POLR1B: variants seen among roughly 807,000 people sequenced by gnomAD.
The protein encoded by POLR1B is RNA polymerase I subunit B, also known as DNA-directed RNA polymerase I subunit RPA2.
Under a neutral mutation model 105.8 loss-of-function variants are expected in POLR1B, and 30 were observed. The ratio of observed to expected loss-of-function variants is 0.28; its 90% confidence interval spans 0.21 to 0.38. The LOEUF is 0.38. Ranked by LOEUF, POLR1B falls within the 10% of genes least tolerant of loss-of-function variation. The pLI is 1.00. For missense variants in POLR1B, 976 were observed against 1,435.8 expected, an observed-to-expected ratio of 0.68 and a Z score of 5.17; for synonymous variants, 485 against 505.1, an observed-to-expected ratio of 0.96 and a Z score of 0.53.
chr2:112,575,911 C>T lies in POLR1B; in HGVS notation c.*182C>T. 3.4e-6 allele frequency: 2 copies of T among 593,816 alleles called. No individual in the cohort carries two copies. The highest frequency in any genetic ancestry group is 3.4e-5 in the Admixed American group (1 of 29,796). The allele number at this position is 593,816 out of a possible 1,614,324, so 36.8% of individuals were successfully genotyped here. On this transcript the variant is annotated 3_prime_UTR_variant, in exon 15 of 15. Transcript: ENST00000263331. This position sits in a 1 kb window ranked among gnomAD's most constrained non-coding sequence, Gnocchi z 5.3. ...ATCTCTCTGGTAGATTAACTATTGA[C>T]AATGATTTTCTGTTATCTTTGTTCA...
At chr2:112,542,749 C>A in intron 1 of POLR1B, 78 bp downstream of exon 1, 10 of 1,538,552 alleles carry the variant, frequency 6.5e-6, no homozygotes, top group Non-Finnish European at 8.8e-6. Flanking sequence ...ACAGTATGAC[C>A]CCAGATGCAT....
intron 1 of POLR1B, among the ~76,000 whole-genome samples, chr2:112,544,114 T>G (rs1446340077): frequency 6.6e-6 from 1 of 151,586 alleles, no homozygotes; most frequent in Non-Finnish European, 1.5e-5. Flanking sequence ...AATTGAGAAA[T>G]TTTAGAAAAG....
chr2:112,544,423 C>T (rs537460910), intron 1 of POLR1B, among the ~76,000 whole-genome samples: 21 of 152,098 alleles, frequency 1.4e-4, no homozygotes, highest in African/African-American at 5.1e-4. Flanking sequence ...CAGAGTGAGA[C>T]TCTCCCAAAA....
At chr2:112,571,267 A>T (rs571037265) in intron 12 of POLR1B, among the ~76,000 whole-genome samples, 50 of 152,124 alleles carry the variant, frequency 3.3e-4, no homozygotes, top group African/African-American at 1.2e-3. Context: ...AAGTTTCACC[A>T]TTTCTTTGTA....
In POLR1B at chr2:112,547,096, C is replaced by G. The variant is rs1338559769; in HGVS notation, c.262C>G (p.Pro88Ala). The G allele has an allele frequency of 1.5e-5, 24 of 1,614,160 alleles. No individual in the cohort carries two copies. Among genetic ancestry groups the G allele is most frequent in the Non-Finnish European group, 2.0e-5 (24 of 1,180,034 alleles). The change falls in exon 2 of 15, where the codon CCA becomes GCA. Residue 88 changes from proline to alanine, a missense_variant. By Grantham distance (27) the Pro-to-Ala change is conservative. This residue lies in a region of POLR1B where 452 missense variants were observed against 616.5 expected (regional missense o/e 0.73). Coordinates refer to ENST00000263331, the MANE Select transcript of POLR1B (RefSeq NM_019014.6). ...LDAVISPPTV[P>A]KGTICKEANV... ...TGCTGTTATCAGTCCACCTACAGTT[C>G]CAAAAGGGACCATCTGCAAAGAGGC... is the stretch of plus-strand genomic sequence containing the variant.
chr2:112,546,544 C>CTTTTTTTTTTTTTTT lies in POLR1B; in HGVS notation c.178-447_178-433dup, dbSNP rs869087985. On this transcript the variant is annotated intron_variant, in intron 1 of 14. Coordinates refer to ENST00000263331, the MANE Select transcript of POLR1B (RefSeq NM_019014.6). Reference sequence around the variant, plus strand: ...GAAGTTATGAGTAGACTGGAGGTAGCTTTTTTTTTTTTTTTTTTTTTTTTT... The same window carrying CTTTTTTTTTTTTTTT: ...GAAGTTATGAGTAGACTGGAGGTAGCTTTTTTTTTTTTTTTTTTTTTTTTTTTTTTTTTTTTTTTT... Among the ~76,000 whole-genome samples, 2 of 53,158 alleles carry CTTTTTTTTTTTTTTT rather than the reference C, an allele frequency of 3.8e-5. 1 individual carries two copies. The highest frequency in any genetic ancestry group is 1.6e-4 in the African/African-American group (2 of 12,476). The allele number at this position is 53,158 out of a possible 152,430, so 34.9% of individuals were successfully genotyped here.
chr2:112,564,250 G>A, intron 9 of POLR1B, 116 bp from the exon 10 acceptor site: 2 of 1,263,550 alleles, frequency 1.6e-6, no homozygotes, highest in Non-Finnish European at 2.2e-6. Flanking sequence ...CTGTTTTAGA[G>A]ACAAGGATAA....
rs1014928653 is a variant in POLR1B at position 112,578,733 on chromosome 2, G to A, written c.*3004G>A. Among the ~76,000 whole-genome samples, 2 of 152,112 alleles carry A rather than the reference G, an allele frequency of 1.3e-5. No homozygotes were observed. Among genetic ancestry groups the A allele is most frequent in the African/African-American group, 4.8e-5 (2 of 41,426 alleles). On this transcript the variant is annotated 3_prime_UTR_variant, in exon 15 of 15. Transcript: ENST00000263331. ...TGGATAGTATATACACTATCCATAT[G>A]TGCTATATGTACTATATGTCCTCTA...
At chr2:112,563,482 GCAGT>G (rs764661528) in intron 9 of POLR1B, among the ~76,000 whole-genome samples, 2 of 152,204 alleles carry the variant, frequency 1.3e-5, no homozygotes, top group Admixed American at 6.5e-5. Flanking sequence ...TTTCCAAGTT[GCAGT>G]CAGTCCCCTC....
intron 12 of POLR1B, among the ~76,000 whole-genome samples, chr2:112,571,055 C>T (rs1419603137): frequency 6.6e-6 from 1 of 152,212 alleles, no homozygotes; most frequent in Non-Finnish European, 1.5e-5. Context: ...GCTGGGATTA[C>T]AGGCATGAGC....
intron 10 of POLR1B, 120 bp from the exon 11 acceptor site, chr2:112,567,847 G>C (rs1360108739): frequency 2.5e-6 from 2 of 806,594 alleles, no homozygotes; most frequent in Non-Finnish European, 4.0e-6. Context: ...GAGCACCCAA[G>C]GAAGTAGGGC....
chr2:112,575,240 C>G lies in POLR1B; in HGVS notation c.2919C>G (p.Phe973Leu), dbSNP rs1196149057. ...TGTTAAAGGCTGCTGGCTACAATTT[C>G]TATGGCACCGAGAGGTTATATAGTG... ...GEMLKAAGYNFYGTERLYSGI... is the reference protein window; with the variant it reads ...GEMLKAAGYNLYGTERLYSGI... The change falls in exon 15 of 15, where the codon TTC (phenylalanine) becomes TTG (leucine). Residue 973 changes from phenylalanine to leucine, a missense_variant. This residue lies in a region of POLR1B where 40 missense variants were observed against 49.6 expected (regional missense o/e 0.81). Coordinates refer to ENST00000263331, the MANE Select transcript of POLR1B (RefSeq NM_019014.6). The surrounding 1 kb of genome is among the most constrained non-coding windows in gnomAD (Gnocchi z 5.3). 6.2e-7 allele frequency: 1 copy of G among 1,614,144 alleles called. No individual in the cohort carries two copies. The highest frequency in any genetic ancestry group is 8.5e-7 in the Non-Finnish European group (1 of 1,180,032).
At chr2:112,563,156 G>A (rs1374103012) in intron 9 of POLR1B, among the ~76,000 whole-genome samples, 3 of 150,608 alleles carry the variant, frequency 2.0e-5, no homozygotes, top group Non-Finnish European at 2.9e-5. Flanking sequence ...CCGGGTTCAC[G>A]CCATTCTCCT....
upstream of POLR1B, chr2:112,542,102 GA>G (rs1302703048): frequency 6.5e-7 from 1 of 1,535,574 alleles, no homozygotes; most frequent in Non-Finnish European, 8.7e-7. Flanking sequence ...AAGGGAAACA[GA>G]AGAGAGCCTG....
chr2:112,574,311 AT>A (rs1684750643), intron 14 of POLR1B, among the ~76,000 whole-genome samples: 1 of 152,122 alleles, frequency 6.6e-6, no homozygotes, highest in Non-Finnish European at 1.5e-5. Flanking sequence ...TTTCATAATA[AT>A]TTTTCAGTTG....
intron 1 of POLR1B, chr2:112,545,798 C>A: frequency 2.7e-6 from 1 of 365,066 alleles, no homozygotes; most frequent in Non-Finnish European, 5.3e-6. Flanking sequence ...CACCACTATG[C>A]CCGGCTAATT....
upstream of POLR1B, chr2:112,542,203 C>G: frequency 6.5e-7 from 1 of 1,535,698 alleles, no homozygotes; most frequent in Non-Finnish European, 8.7e-7. Context: ...GGGTTTCCAC[C>G]TGCGGCATCT....
chr2:112,559,160 C>A, intron 8 of POLR1B, 133 bp from the exon 9 acceptor site: 1 of 1,105,734 alleles, frequency 9.0e-7, no homozygotes, highest in Non-Finnish European at 1.3e-6. Context: ...CTCATCAGAG[C>A]TAGGAGAATA....
intron 9 of POLR1B, among the ~76,000 whole-genome samples, chr2:112,560,808 G>A (rs991714465): frequency 1.3e-5 from 2 of 152,152 alleles, no homozygotes; most frequent in African/African-American, 4.8e-5. Flanking sequence ...TGTAATCCCA[G>A]CACTTTGGGA....
Sources: allele counts gnomAD v4.1 joint callset (sites outside exome capture counted in the v4.1 genomes callset), GRCh38; gene constraint gnomAD v4.1.1; regional missense constraint gnomAD v4.1.1; non-coding constraint Gnocchi (gnomAD v3.1); transcripts MANE v1.5; gene names NCBI Gene and HGNC (gene_info 2026-07-23, HGNC 2026-07-21).